Variants in LPA observed in about 807,000 individuals in gnomAD.
LPA encodes the protein apolipoprotein(a).
In LPA, 199 loss-of-function variants were observed where a neutral mutation model predicts 197.9. The ratio of observed to expected loss-of-function variants is 1.01; its 90% CI spans 0.90 to 1.13. LPA has a LOEUF of 1.13. Among genes scored for constraint, LPA ranks in the 50% most tolerant of loss-of-function variants. LPA has a pLI of 0.00. For missense variants in LPA, 1,853 were observed against 1,785.8 expected, an observed-to-expected ratio of 1.04 and a Z score of -0.68; for synonymous variants, 715 against 639.5, an observed-to-expected ratio of 1.12 and a Z score of -1.78.
chr6:160,601,826 C>T (rs190382352), intron 18 of LPA, among the ~76,000 whole-genome samples: 6 of 152,298 alleles, frequency 3.9e-5, no homozygotes, highest in South Asian at 4.1e-4. Flanking sequence ...TGCTCTCAGT[C>T]CATCCTCTGC....
Position 160,540,181 on chromosome 6 carries a change from G to A in LPA, c.5597C>T (p.Ser1866Phe). The A allele has an allele frequency of 6.2e-7, 1 of 1,614,136 alleles. No individual in the cohort carries two copies. The highest frequency in any genetic ancestry group is 8.5e-7 in the Non-Finnish European group (1 of 1,180,026). The change falls in exon 36 of 39, where the codon TCC (serine) becomes TTC (phenylalanine). Residue 1866 changes from serine (S) to phenylalanine (F), a missense_variant and splice_region_variant. Ser to Phe is a radical substitution (Grantham distance 155, BLOSUM62 -2). This residue lies in a region of LPA where 1,737 missense variants were observed against 1,504.4 expected (regional missense o/e 1.15). Coordinates refer to ENST00000316300, the MANE Select transcript of LPA (RefSeq NM_005577.4). ...GACCTTGTAGGATGAAGGCCTTGAG[G>A]ACCTAGAAAAGATGAGGATGTCAAG... ...VLTAAHCLKK[S>F]SRPSSYKVIL...
Position 160,600,962 on chromosome 6 carries a change from G to C in LPA, c.3082C>G (p.Pro1028Ala), listed in dbSNP as rs1779228948. Reference sequence around the variant, plus strand: ...AGGCTTGGAGCCAGAATAACATTCGGAGGGACGAAGGCAGTCCATTCTGCA... The same window carrying C: ...AGGCTTGGAGCCAGAATAACATTCGCAGGGACGAAGGCAGTCCATTCTGCA... ...SDAEWTAFVP[P>A]NVILAPSLEA... The change falls in exon 19 of 39, where the codon CCG (proline) becomes GCG (alanine). Residue 1028 changes from proline to alanine, a missense_variant. Pro to Ala is a conservative substitution (Grantham distance 27, BLOSUM62 -1). Around this residue, in one of 3 missense-constraint regions of LPA, gnomAD observed 1,737 missense variants for 1,504.4 expected, o/e 1.15. Transcript: ENST00000316300. 6.2e-7 allele frequency: 1 copy of C among 1,613,528 alleles called. No individual in the cohort carries two copies. The highest frequency in any genetic ancestry group is 8.5e-7 in the Non-Finnish European group (1 of 1,179,996).
Position 160,578,724 on chromosome 6 carries a change from A to C in LPA, c.4290-20T>G. The C allele has an allele frequency of 2.5e-6, 4 of 1,613,568 alleles. No individual in the cohort carries two copies. Among genetic ancestry groups the C allele is most frequent in the Non-Finnish European group, 3.4e-6 (4 of 1,179,824 alleles). On this transcript the variant is annotated intron_variant, in intron 26 of 38. Coordinates refer to ENST00000316300, the MANE Select transcript of LPA (RefSeq NM_005577.4). ...AGGCCACTGCAAATTTCAAAACAAC[A>C]CAGGTCACCAGAGATGGGAGAATAT...
At chr6:160,567,074 A>C in intron 28 of LPA, among the ~76,000 whole-genome samples, 1 of 152,148 alleles carries the variant, frequency 6.6e-6, no homozygotes. Context: ...TGTCAACATT[A>C]GACAGATCAA....
At chr6:160,608,975 G>A (rs1023670365) in intron 16 of LPA, among the ~76,000 whole-genome samples, 5 of 152,020 alleles carry the variant, frequency 3.3e-5, no homozygotes, top group African/African-American at 1.2e-4. Flanking sequence ...CAGCCATCCA[G>A]TAATTTTTTC....
At chr6:160,611,747 C>T (rs1461127977) in intron 15 of LPA, 26 bp from the exon 16 acceptor site, 10 of 1,358,274 alleles carry the variant, frequency 7.4e-6, no homozygotes, top group East Asian at 2.4e-5. Context: ...AAGAAATAAA[C>T]TGAGTATCTC....
intron 25 of LPA, among the ~76,000 whole-genome samples, chr6:160,585,993 C>T (rs142522366): frequency 2.0e-5 from 3 of 152,156 alleles, no homozygotes; most frequent in Admixed American, 6.5e-5. Context: ...CAGGACAATA[C>T]GGATCTAATG....
intron 28 of LPA, among the ~76,000 whole-genome samples, chr6:160,557,835 T>C (rs899095402): frequency 2.6e-5 from 4 of 152,142 alleles, no homozygotes; most frequent in East Asian, 1.9e-4. Flanking sequence ...CATAAATGTA[T>C]ACAAGAAAAA....
At chr6:160,555,311 GTGTGTGTGTGTA>G (rs1219448704) in intron 30 of LPA, among the ~76,000 whole-genome samples, 2 of 141,492 alleles carry the variant, frequency 1.4e-5, no homozygotes, top group Non-Finnish European at 3.1e-5. Flanking sequence ...GTGTGTGTGT[GTGTGTGTGTGTA>G]TGTGTGTGTG....
rs766542286 is a variant in LPA, at chr6:160,599,566, G to C, written c.3221C>G (p.Thr1074Ser). The change falls in exon 20 of 39, where the codon ACT (threonine) becomes AGT (serine). Residue 1074 changes from threonine to serine, a missense_variant. Physicochemically the swap from Thr to Ser is moderately conservative, Grantham distance 58 (BLOSUM62 1). Transcript: ENST00000316300. The part of the protein sequence containing the change: ...GTYSTTVTGR[T>S]CQAWSSMTPH... The stretch of plus-strand genomic sequence containing the variant: ...TGTCATAGATGACCAAGCTTGGCAA[G>C]TTCTTCCTGTGACAGTGGTGGAGTA... 3 of 1,614,100 alleles carry C rather than the reference G, an allele frequency of 1.9e-6. No homozygotes were observed. In the Admixed American group the frequency reaches 5.0e-5, roughly 27 times the overall value.
intron 1 of LPA, among the ~76,000 whole-genome samples, chr6:160,651,796 C>T (rs1297977121): frequency 1.3e-5 from 2 of 151,898 alleles, no homozygotes; most frequent in African/African-American, 4.8e-5. Context: ...TAAAGGTGGA[C>T]AATATCCATG....
chr6:160,652,058 A>T (rs1243211588), intron 1 of LPA, among the ~76,000 whole-genome samples: 1 of 151,692 alleles, frequency 6.6e-6, no homozygotes, highest in Non-Finnish European at 1.5e-5. Flanking sequence ...TTTATGAAGC[A>T]ATATGAATGA....
intron 28 of LPA, among the ~76,000 whole-genome samples, chr6:160,568,172 C>A (rs956354791): frequency 8.5e-5 from 13 of 152,268 alleles, no homozygotes; most frequent in Admixed American, 8.5e-4. Context: ...CAAATCCTGG[C>A]AGAGACACAA....
At position 160,556,214 on chromosome 6, in the gene LPA, C is replaced by T. The variant is rs111623026; in HGVS notation, c.4814-30G>A. The T allele has an allele frequency of 2.9e-5, 46 of 1,611,548 alleles. No individual in the cohort carries two copies. The African/African-American group carries it at 5.7e-4, about 20-fold the overall frequency. On this transcript the variant is annotated intron_variant, in intron 29 of 38. Coordinates refer to ENST00000316300, the MANE Select transcript of LPA (RefSeq NM_005577.4). The stretch of plus-strand genomic sequence containing the variant: ...AAATAGACAAAATCAAGCTGAGTAA[C>T]TACTAGTATGCAGAAACATGTGAAG...
chr6:160,659,425 G>T (rs117857195), intron 1 of LPA, among the ~76,000 whole-genome samples: 2,440 of 152,316 alleles, frequency 0.016, 32 homozygotes, highest in Non-Finnish European at 0.026. Context: ...AAAACACAGA[G>T]TGCAGCCAGT....
rs1454241046 is a variant in LPA at position 160,606,605 on chromosome 6, C to A, written c.2657G>T (p.Cys886Phe). Residue 886 changes from cysteine (C) to phenylalanine (F), a missense_variant, in exon 17 of 39, where the codon TGT becomes TTT. Cys to Phe is a radical substitution (Grantham distance 205). This residue lies in a region of LPA where 1,737 missense variants were observed against 1,504.4 expected (regional missense o/e 1.15). Coordinates refer to ENST00000316300, the MANE Select transcript of LPA (RefSeq NM_005577.4). ...CCTGACACTGGGATCCCTCGTATAACAATAAGGGGCTGCCACAGGATCTGG... is the reference window on the plus strand; with the variant it reads ...CCTGACACTGGGATCCCTCGTATAAAAATAAGGGGCTGCCACAGGATCTGG... ...RNPDPVAAPY[C>F]YTRDPSVRWE... 5 of 1,613,960 alleles carry A rather than the reference C, an allele frequency of 3.1e-6. No individual in the cohort carries two copies. In the South Asian group the frequency reaches 5.5e-5, roughly 18 times the overall value.
chr6:160,575,199 C>A (rs1205878963), intron 28 of LPA, among the ~76,000 whole-genome samples: 5 of 151,528 alleles, frequency 3.3e-5, no homozygotes, highest in Non-Finnish European at 5.9e-5. Context: ...GCTTTTTTTT[C>A]TTCATATTTG....
chr6:160,558,915 G>A (rs1778316858), intron 28 of LPA, among the ~76,000 whole-genome samples: 1 of 152,192 alleles, frequency 6.6e-6, no homozygotes, highest in Non-Finnish European at 1.5e-5. Context: ...CTATGCCTGT[G>A]ACCTAGTCTC....
intron 2 of LPA, among the ~76,000 whole-genome samples, chr6:160,649,653 T>A (rs879081914): frequency 5.9e-5 from 9 of 152,214 alleles, no homozygotes; most frequent in African/African-American, 2.2e-4. Flanking sequence ...TCCTCTACCA[T>A]CTATTGTCCA....
Sources: allele counts gnomAD v4.1 joint callset (sites outside exome capture counted in the v4.1 genomes callset), GRCh38; gene constraint gnomAD v4.1.1; regional missense constraint gnomAD v4.1.1; transcripts MANE v1.5; gene names NCBI Gene and HGNC (gene_info 2026-07-23, HGNC 2026-07-21).